Variants in WEE2 observed in about 807,000 individuals in gnomAD.
WEE2 encodes wee1-like protein kinase 2.
A neutral mutation model predicts 60.1 loss-of-function variants in WEE2; 50 were observed. That is an observed-to-expected ratio of 0.83 (90% CI 0.66 to 1.05). The LOEUF (loss-of-function observed/expected upper bound fraction) is 1.05. Ranked by LOEUF, WEE2 falls within the 50% of genes least tolerant of loss-of-function variation. WEE2 has a pLI of 0.00. For missense variants in WEE2, 631 were observed against 684.3 expected, an observed-to-expected ratio of 0.92 and a Z score of 0.87; for synonymous variants, 240 against 241.0, an observed-to-expected ratio of 1.00 and a Z score of 0.04.
At chr7:141,712,204 C>A (rs1456880076) in intron 1 of WEE2, among the ~76,000 whole-genome samples, 1 of 151,798 alleles carries the variant, frequency 6.6e-6, no homozygotes, top group Admixed American at 6.6e-5. Context: ...TTAAAACATC[C>A]AAACATCCCA....
At chr7:141,729,381 G>A in intron 10 of WEE2, 150 bp from the exon 11 acceptor site, 1 of 1,086,868 alleles carries the variant, frequency 9.2e-7, no homozygotes, top group Non-Finnish European at 1.3e-6. Flanking sequence ...GACAACCATA[G>A]TAACTGAATT....
chr7:141,729,681 A>G lies in WEE2; in HGVS notation c.1678+8A>G. The G allele has an allele frequency of 1.9e-6, 3 of 1,606,606 alleles. No individual in the cohort carries two copies. Among genetic ancestry groups the G allele is most frequent in the Non-Finnish European group, 2.5e-6 (3 of 1,177,488 alleles). ...GGTCTTCAAGCTTTACCTGTGAGTA[A>G]TCTTCCCCTTAAGAACTCATTTTGC... On this transcript the variant is annotated splice_region_variant and intron_variant, in intron 11 of 11. Coordinates refer to ENST00000397541, the MANE Select transcript of WEE2 (RefSeq NM_001105558.1).
intron 1 of WEE2, among the ~76,000 whole-genome samples, chr7:141,713,134 G>T (rs544689853): frequency 6.6e-6 from 1 of 152,158 alleles, no homozygotes; most frequent in African/African-American, 2.4e-5. Flanking sequence ...CTTCATTCCT[G>T]CTTATTCAAT....
rs748906634 is a variant in WEE2 at position 141,708,608 on chromosome 7, G to A, written c.-151G>A. ...GTACTTAAGGCAGAAAATTAACACC[G>A]TGTTTTGTAGCTGTTAGTTGGTAGA... On this transcript the variant is annotated 5_prime_UTR_variant, in exon 1 of 12. The change creates a new upstream start codon in the 5' untranslated region. Transcript: ENST00000397541. 1.1e-5 allele frequency: 7 copies of A among 655,276 alleles called. No individual in the cohort carries two copies. The highest frequency in any genetic ancestry group is 2.7e-5 in the Admixed American group (1 of 36,740). 40.6% of individuals were successfully genotyped at this position (655,276 alleles called of 1,614,324 possible). A position where few individuals can be genotyped will look rare whatever the true frequency, so the allele number is the denominator to read the frequency against.
rs771066483 is a variant in WEE2 at position 141,714,177 on chromosome 7, A to G, written c.343-32A>G. The G allele has an allele frequency of 6.4e-6, 10 of 1,561,464 alleles. No homozygotes were observed. The East Asian group carries it at 2.3e-4, about 35-fold the overall frequency. The stretch of plus-strand genomic sequence containing the variant: ...GATAAGGAATGTCTTTACTAATGCT[A>G]TTATGACTTGCCTTTTGTCATCCTC... On this transcript the variant is annotated intron_variant, in intron 1 of 11. Transcript: ENST00000397541.
At chr7:141,714,440 G>T in intron 2 of WEE2, 35 bp downstream of exon 2, 2 of 1,515,322 alleles carry the variant, frequency 1.3e-6, no homozygotes, top group South Asian at 1.2e-5. Context: ...TTTGAGAACT[G>T]ACCCTACTAC....
intron 3 of WEE2, among the ~76,000 whole-genome samples, chr7:141,717,808 AAG>A (rs1298267611): frequency 3.9e-5 from 6 of 152,262 alleles, no homozygotes; most frequent in South Asian, 2.1e-4. Flanking sequence ...GTTCAGGTGT[AAG>A]AGGGGTATGG....
intron 2 of WEE2, 74 bp downstream of exon 2, chr7:141,714,479 G>C: frequency 8.5e-7 from 1 of 1,170,048 alleles, no homozygotes; most frequent in Non-Finnish European, 1.2e-6. Context: ...GAGTGTTAAA[G>C]TAAGATTAGG....
chr7:141,727,129 T>A (rs2117124854), intron 9 of WEE2, 175 bp from the exon 10 acceptor site: 1 of 631,302 alleles, frequency 1.6e-6, no homozygotes, highest in East Asian at 2.6e-5. Flanking sequence ...CTACCAGACA[T>A]GGACAATCCT....
rs1164481609 is a variant in WEE2, at chr7:141,725,035, C to T, written c.1231C>T (p.His411Tyr). ...ANEILQEDYR[H>Y]LPKADIFALG... ...GTCTTCTGTTTTGAAGGATTACCGG[C>T]ACCTTCCCAAAGCAGACATATTTGC... Residue 411 changes from histidine (H) to tyrosine (Y), a missense_variant, in exon 9 of 12, where the codon CAC (histidine) becomes TAC (tyrosine). Physicochemically the swap from His to Tyr is moderately conservative, Grantham distance 83. Coordinates refer to ENST00000397541, the MANE Select transcript of WEE2 (RefSeq NM_001105558.1). 11 of 1,613,242 alleles carry T rather than the reference C, an allele frequency of 6.8e-6. No individual in the cohort carries two copies. Among genetic ancestry groups the T allele is most frequent in the Non-Finnish European group, 9.3e-6 (11 of 1,179,586 alleles).
intron 3 of WEE2, among the ~76,000 whole-genome samples, chr7:141,716,857 G>A (rs779562567): frequency 1.1e-4 from 16 of 152,086 alleles, no homozygotes; most frequent in Non-Finnish European, 1.6e-4. Flanking sequence ...GCTCTTAAAT[G>A]TATCAATATT....
In WEE2 at chr7:141,721,033, T is replaced by C. The variant is rs1223204206; in HGVS notation, c.857T>C (p.Ile286Thr). The C allele has an allele frequency of 2.5e-6, 4 of 1,614,050 alleles. No individual in the cohort carries two copies. Among genetic ancestry groups the C allele is most frequent in the Non-Finnish European group, 3.4e-6 (4 of 1,180,030 alleles). ...YSSWAEDDHM[I>T]IQNEYCNGGS... ...TCATGGGCAGAAGATGACCACATGA[T>C]CATTCAGAATGAATACTGCAATGGT... The change falls in exon 5 of 12, where the codon ATC (isoleucine) becomes ACC (threonine). Residue 286 changes from isoleucine (I) to threonine (T), a missense_variant. Physicochemically the swap from Ile to Thr is moderately conservative, Grantham distance 89. Transcript: ENST00000397541.
chr7:141,720,305 G>A (rs927066493), intron 4 of WEE2, among the ~76,000 whole-genome samples: 32 of 151,864 alleles, frequency 2.1e-4, no homozygotes, highest in Non-Finnish European at 7.4e-5. Context: ...ACAGGCATGT[G>A]CCACCACACC....
At chr7:141,725,304 A>G in intron 9 of WEE2, 108 bp downstream of exon 9, 1 of 1,276,994 alleles carries the variant, frequency 7.8e-7, no homozygotes, top group South Asian at 1.5e-5. Flanking sequence ...CACTAACAGA[A>G]AAAGGAACGT....
Position 141,708,720 on chromosome 7 carries a change from T to C in WEE2, c.-39T>C. ...GTAGGTTCACAGCGTTCCCTTCTGA[T>C]AGAGCTTTTTGTCTGTGTTGTAAAG... is the stretch of plus-strand genomic sequence containing the variant. On this transcript the variant is annotated 5_prime_UTR_variant, in exon 1 of 12. Transcript: ENST00000397541. 6.4e-7 allele frequency: 1 copy of C among 1,551,716 alleles called. No homozygotes were observed. Among genetic ancestry groups the C allele is most frequent in the African/African-American group, 1.4e-5 (1 of 73,158 alleles).
At chr7:141,729,442 A>T in intron 10 of WEE2, 89 bp from the exon 11 acceptor site, 2 of 1,558,986 alleles carry the variant, frequency 1.3e-6, no homozygotes, top group Non-Finnish European at 1.8e-6. Context: ...TACTGAAACA[A>T]GAAGAAAAAC....
At chr7:141,719,831 T>C (rs976739486) in intron 4 of WEE2, among the ~76,000 whole-genome samples, 1 of 152,198 alleles carries the variant, frequency 6.6e-6, no homozygotes, top group Non-Finnish European at 1.5e-5. Context: ...TTTTAAAAAA[T>C]GAATAGATTT....
chr7:141,708,642 C>T lies in WEE2; in HGVS notation c.-117C>T. On this transcript the variant is annotated 5_prime_UTR_variant, in exon 1 of 12. Transcript: ENST00000397541. Reference sequence around the variant, plus strand: ...AGCTGTTAGTTGGTAGAGGGAAATTCAGGCTACCGTCGCGAAACCTGCAGG... The same window carrying T: ...AGCTGTTAGTTGGTAGAGGGAAATTTAGGCTACCGTCGCGAAACCTGCAGG... 1 of 834,442 alleles carries T rather than the reference C, an allele frequency of 1.2e-6. No individual in the cohort carries two copies. The highest frequency in any genetic ancestry group is 2.4e-5 in the East Asian group (1 of 40,960). 51.7% of individuals were successfully genotyped at this position (834,442 alleles called of 1,614,324 possible). A position where few individuals can be genotyped will look rare whatever the true frequency, so the allele number is the denominator to read the frequency against.
chr7:141,730,244 C>T, intron 11 of WEE2, 51 bp from the exon 12 acceptor site: 1 of 1,583,160 alleles, frequency 6.3e-7, no homozygotes, highest in East Asian at 2.3e-5. Context: ...TGTTATATTC[C>T]TAATGCCACT....
Sources: allele counts gnomAD v4.1 joint callset (sites outside exome capture counted in the v4.1 genomes callset), GRCh38; gene constraint gnomAD v4.1.1; transcripts MANE v1.5; gene names NCBI Gene and HGNC (gene_info 2026-07-23, HGNC 2026-07-21).